TDRD7: variants seen among roughly 807,000 people sequenced by gnomAD.
The protein encoded by TDRD7 is tudor domain containing 7, also known as tudor domain-containing protein 7.
TDRD7 carries 47 observed loss-of-function variants against 109.8 expected under a neutral mutation model. That is an observed-to-expected ratio of 0.43 (90% CI 0.34 to 0.55). TDRD7 has a LOEUF of 0.55. Among genes scored for constraint, TDRD7 ranks in the 20% least tolerant of loss-of-function variants. The pLI is 0.03. For missense variants in TDRD7, 1,164 were observed against 1,319.2 expected (o/e 0.88, Z 1.82); for synonymous variants, 424 against 457.3 (o/e 0.93, Z 0.93).
intron 5 of TDRD7, 50 bp from the exon 6 acceptor site, chr9:97,441,608 T>C: frequency 6.9e-7 from 1 of 1,454,532 alleles, no homozygotes. Flanking sequence ...ATGGGGATAA[T>C]CTAAAATGTT....
chr9:97,430,769 A>C (rs1420487209), intron 2 of TDRD7, among the ~76,000 whole-genome samples, 164 bp from the exon 3 acceptor site: 1 of 152,190 alleles, frequency 6.6e-6, no homozygotes. Flanking sequence ...CTTGCAGAAA[A>C]TATAATTTTC....
chr9:97,428,857 C>T (rs370637264), intron 2 of TDRD7, among the ~76,000 whole-genome samples, 185 bp downstream of exon 2: 36 of 152,278 alleles, frequency 2.4e-4, no homozygotes, highest in Middle Eastern at 3.4e-3. Context: ...TTTCTTATTC[C>T]TCAAATTCTT....
chr9:97,422,386 A>T (rs7866617), intron 1 of TDRD7, among the ~76,000 whole-genome samples: 189 of 150,870 alleles, frequency 1.3e-3, no homozygotes, highest in African/African-American at 4.5e-3. Flanking sequence ...ACAGATCAAG[A>T]CCCTGTCTCA....
chr9:97,477,200 A>G (rs1048235820), intron 12 of TDRD7, among the ~76,000 whole-genome samples: 17 of 152,208 alleles, frequency 1.1e-4, no homozygotes, highest in Admixed American at 2.0e-4. Context: ...TACCTTCTCA[A>G]ATGTTAACAT....
chr9:97,467,893 A>G (rs1356403693), intron 8 of TDRD7, among the ~76,000 whole-genome samples: 2 of 152,232 alleles, frequency 1.3e-5, no homozygotes, highest in Non-Finnish European at 2.9e-5. Flanking sequence ...TTGGAGGTAG[A>G]ACTGACAGGA....
chr9:97,457,556 T>C (rs1828640356), intron 6 of TDRD7, among the ~76,000 whole-genome samples: 1 of 152,080 alleles, frequency 6.6e-6, no homozygotes, highest in African/African-American at 2.4e-5. Flanking sequence ...TATTTTGCAT[T>C]TTTAGTAGAG....
chr9:97,441,517 G>T, intron 5 of TDRD7, 141 bp from the exon 6 acceptor site: 1 of 712,170 alleles, frequency 1.4e-6, no homozygotes, highest in Admixed American at 2.4e-5. Context: ...GTGCTGCTCT[G>T]CCTAATCCTG....
chr9:97,482,836 G>T lies in TDRD7; in HGVS notation c.2413-13G>T. The T allele has an allele frequency of 6.2e-7, 1 of 1,610,714 alleles. No individual in the cohort carries two copies. On this transcript the variant is annotated splice_polypyrimidine_tract_variant and intron_variant, in intron 14 of 16. Coordinates refer to ENST00000355295, the MANE Select transcript of TDRD7 (RefSeq NM_014290.3). ...ACTTGTATTTCTTATATCATTTTTT[G>T]TGTTTTCCAAAGGTTACAAAAGTGG...
At chr9:97,441,185 C>G (rs1196265440) in intron 5 of TDRD7, among the ~76,000 whole-genome samples, 1 of 152,074 alleles carries the variant, frequency 6.6e-6, no homozygotes, top group East Asian at 1.9e-4. Context: ...CAAACTCAGG[C>G]AATTTTTTAT....
intron 8 of TDRD7, among the ~76,000 whole-genome samples, chr9:97,467,422 A>G (rs1828839358): frequency 6.6e-6 from 1 of 152,106 alleles, no homozygotes; most frequent in Non-Finnish European, 1.5e-5. Flanking sequence ...TGCCATTTCT[A>G]GCTGTGTGGC....
chr9:97,435,252 A>G (rs1358316325), intron 4 of TDRD7, among the ~76,000 whole-genome samples: 1 of 152,122 alleles, frequency 6.6e-6, no homozygotes, highest in Non-Finnish European at 1.5e-5. Context: ...TATTAGGGGA[A>G]ACAGTGAAGG....
chr9:97,477,415 T>A (rs1170201909), intron 12 of TDRD7, among the ~76,000 whole-genome samples: 1 of 152,244 alleles, frequency 6.6e-6, no homozygotes, highest in Non-Finnish European at 1.5e-5. Context: ...TTCTTTGCTA[T>A]TCCTGACTTT....
chr9:97,470,233 G>A (rs138123024), intron 8 of TDRD7, among the ~76,000 whole-genome samples: 102 of 152,288 alleles, frequency 6.7e-4, no homozygotes, highest in African/African-American at 2.4e-3. Flanking sequence ...AAGGGGAGGG[G>A]AGCAGAGTTG....
intron 9 of TDRD7, 23 bp downstream of exon 9, chr9:97,470,692 C>T: frequency 6.3e-7 from 1 of 1,578,516 alleles, no homozygotes; most frequent in Non-Finnish European, 8.7e-7. Flanking sequence ...TTTTAAAAAA[C>T]TCTCTCCATT....
At chr9:97,468,070 G>T (rs537005298) in intron 8 of TDRD7, among the ~76,000 whole-genome samples, 1 of 152,248 alleles carries the variant, frequency 6.6e-6, no homozygotes, top group Non-Finnish European at 1.5e-5. Flanking sequence ...GGACCTGCTA[G>T]GTTTGAGAAT....
At chr9:97,433,818 C>T (rs1004987074) in intron 4 of TDRD7, among the ~76,000 whole-genome samples, 13 of 152,114 alleles carry the variant, frequency 8.5e-5, no homozygotes, top group Non-Finnish European at 1.6e-4. Context: ...GATACCACTT[C>T]CCACCCAGTA....
At chr9:97,413,441 C>T (rs1232254943) in intron 1 of TDRD7, among the ~76,000 whole-genome samples, 1 of 152,202 alleles carries the variant, frequency 6.6e-6, no homozygotes, top group African/African-American at 2.4e-5. Context: ...TCCAAGATAA[C>T]CACTGTATAT....
At chr9:97,476,943 T>A (rs112249035) in intron 12 of TDRD7, among the ~76,000 whole-genome samples, 10 of 152,334 alleles carry the variant, frequency 6.6e-5, no homozygotes, top group African/African-American at 2.4e-4. Flanking sequence ...ATTATTGCTA[T>A]TAATGTGACT....
At position 97,460,445 on chromosome 9, in the gene TDRD7, G is replaced by C; in HGVS notation, c.1123G>C (p.Glu375Gln). ...FEEMYKVKFP[E>Q]DALKNLASLS... Reference sequence around the variant, plus strand: ...GGAAATGTACAAAGTGAAATTCCCTGAGGATGCCTTAAAAAATCTTGCCTC... The same window carrying C: ...GGAAATGTACAAAGTGAAATTCCCTCAGGATGCCTTAAAAAATCTTGCCTC... Residue 375 changes from glutamate (E) to glutamine (Q), a missense_variant, in exon 7 of 17, where the codon GAG becomes CAG. Around this residue, in one of 5 missense-constraint regions of TDRD7, gnomAD observed 407 missense variants for 394.0 expected, o/e 1.03. Coordinates refer to ENST00000355295, the MANE Select transcript of TDRD7 (RefSeq NM_014290.3). The C allele has an allele frequency of 6.2e-7, 1 of 1,614,216 alleles. No individual in the cohort carries two copies. The highest frequency in any genetic ancestry group is 1.1e-5 in the South Asian group (1 of 91,088).
Sources: allele counts gnomAD v4.1 joint callset (sites outside exome capture counted in the v4.1 genomes callset), GRCh38; gene constraint gnomAD v4.1.1; regional missense constraint gnomAD v4.1.1; transcripts MANE v1.5; gene names NCBI Gene and HGNC (gene_info 2026-07-23, HGNC 2026-07-21).